Variants in CACNA1B observed in about 807,000 individuals in gnomAD.
CACNA1B encodes calcium voltage-gated channel subunit alpha1 B.
In CACNA1B, 70 loss-of-function variants were observed where a neutral mutation model predicts 247.2. The observed-to-expected ratio is 0.28, with a 90% CI of 0.23 to 0.35. The LOEUF is 0.35. CACNA1B is among the 10% of genes least tolerant of loss of function. The pLI, the probability that CACNA1B is intolerant of heterozygous loss-of-function variation, is 1.00. For missense variants in CACNA1B, 2,367 were observed against 3,197.4 expected, an observed-to-expected ratio of 0.74 and a Z score of 6.26; for synonymous variants, 1,231 against 1,294.4, an observed-to-expected ratio of 0.95 and a Z score of 1.05.
rs763357654 is a variant in CACNA1B, at chr9:138,121,947, G to A, written c.6968G>A (p.Gly2323Asp). The A allele has an allele frequency of 3.1e-6, 5 of 1,605,928 alleles. No homozygotes were observed. The Admixed American group carries it at 6.7e-5, about 21-fold the overall frequency. ...GYHCTLGLSS[G>D]GRARHSYHHP... ...CACTGCACCCTGGGACTCAGCTCGG[G>A]TGGCCGAGCACGGCACAGCTACCAC... Residue 2323 changes from glycine (G) to aspartate (D), a missense_variant, in exon 47 of 47, where the codon GGT (glycine) becomes GAT (aspartate). Gly to Asp is a moderately conservative substitution (Grantham distance 94, BLOSUM62 -1). Around this residue, in one of 12 missense-constraint regions of CACNA1B, gnomAD observed 773 missense variants for 779.4 expected, o/e 0.99. Transcript: ENST00000371372. The surrounding 1 kb of genome is among the most constrained non-coding windows in gnomAD (Gnocchi z 6.8).
intron 6 of CACNA1B, among the ~76,000 whole-genome samples, chr9:137,949,670 C>T (rs1957856414): frequency 6.6e-6 from 1 of 152,010 alleles, no homozygotes; most frequent in South Asian, 2.1e-4. Flanking sequence ...GATGCAGTTC[C>T]CGATGGCGGT....
At chr9:137,962,025 G>T (rs1958026682) in intron 10 of CACNA1B, among the ~76,000 whole-genome samples, 1 of 152,000 alleles carries the variant, frequency 6.6e-6, no homozygotes. Context: ...TTTTTTGATT[G>T]GTAGGCTATT....
chr9:137,968,940 C>A (rs1252092842), intron 10 of CACNA1B, among the ~76,000 whole-genome samples: 1 of 152,198 alleles, frequency 6.6e-6, no homozygotes, highest in Non-Finnish European at 1.5e-5. Flanking sequence ...ATTAAGTGAA[C>A]CCTGGAAAAT....
rs753490230 is a variant in CACNA1B at position 137,932,806 on chromosome 9, G to A, written c.966+15375G>A. Among the ~76,000 whole-genome samples the A allele has an allele frequency of 2.6e-5, 4 of 152,334 alleles. No individual in the cohort carries two copies. In the South Asian group the frequency reaches 6.2e-4, roughly 24 times the overall value. On this transcript the variant is annotated intron_variant, in intron 6 of 46. Coordinates refer to ENST00000371372, the MANE Select transcript of CACNA1B (RefSeq NM_000718.4). Reference sequence around the variant, plus strand: ...ACCAGGGATGGTTTCCATGAAAACCGTACAGGTTATCTAAATGATGCGGTT... The same window carrying A: ...ACCAGGGATGGTTTCCATGAAAACCATACAGGTTATCTAAATGATGCGGTT...
At chr9:137,967,683 C>T (rs1053510002) in intron 10 of CACNA1B, among the ~76,000 whole-genome samples, 6 of 151,030 alleles carry the variant, frequency 4.0e-5, no homozygotes, top group African/African-American at 2.5e-5. Context: ...GCTGCTGTGC[C>T]CACTGCAAGT....
In CACNA1B at chr9:138,057,758, A is replaced by C; in HGVS notation, c.3995A>C (p.Glu1332Ala). The change falls in exon 27 of 47, where the codon GAG becomes GCG. Residue 1332 changes from glutamate (E) to alanine (A), a missense_variant. Glu to Ala is a moderately radical substitution (Grantham distance 107). This residue lies in a region of CACNA1B where 436 missense variants were observed against 679.5 expected (regional missense o/e 0.64). Transcript: ENST00000371372. The surrounding 1 kb of genome is among the most constrained non-coding windows in gnomAD (Gnocchi z 4.0). ...CRGQYLDYEKEEVEAQPRQWK... is the reference protein window; with the variant it reads ...CRGQYLDYEKAEVEAQPRQWK... Reference sequence around the variant, plus strand: ...GGTCAGTATTTGGATTATGAGAAGGAGGAAGTGGAAGCTCAGCCCAGGCAG... The same window carrying C: ...GGTCAGTATTTGGATTATGAGAAGGCGGAAGTGGAAGCTCAGCCCAGGCAG... The C allele has an allele frequency of 6.2e-7, 1 of 1,612,684 alleles. No homozygotes were observed. Among genetic ancestry groups the C allele is most frequent in the Non-Finnish European group, 8.5e-7 (1 of 1,179,152 alleles).
rs1958725499 is a variant in CACNA1B, at chr9:138,011,642, C to T, written c.2161-1487C>T. On this transcript the variant is annotated intron_variant, in intron 17 of 46. Coordinates refer to ENST00000371372, the MANE Select transcript of CACNA1B (RefSeq NM_000718.4). The surrounding 1 kb of genome is among the most constrained non-coding windows in gnomAD (Gnocchi z 4.2). ...CTGGAGTGACTGGCAAAGTCCCTGC[C>T]CCAGAGGGTGGGAAGCTGGATGCAG... Among the ~76,000 whole-genome samples, 1 of 152,152 alleles carries T rather than the reference C, an allele frequency of 6.6e-6. No individual in the cohort carries two copies. Among genetic ancestry groups the T allele is most frequent in the Non-Finnish European group, 1.5e-5 (1 of 68,040 alleles).
At chr9:137,930,492 C>T (rs187280210) in intron 6 of CACNA1B, among the ~76,000 whole-genome samples, 7 of 152,254 alleles carry the variant, frequency 4.6e-5, no homozygotes, top group African/African-American at 7.2e-5. Context: ...AATTTGTTGA[C>T]GTTTGTTACA....
intron 36 of CACNA1B, among the ~76,000 whole-genome samples, chr9:138,088,959 C>CAAAAAAAAAAA (rs56112600): frequency 1.3e-4 from 8 of 61,424 alleles, no homozygotes; most frequent in Non-Finnish European, 2.4e-4. Flanking sequence ...AACTCCGTCT[C>CAAAAAAAAAAA]AAAAAAAAAA....
intron 36 of CACNA1B, among the ~76,000 whole-genome samples, chr9:138,093,783 G>T (rs139381869): frequency 2.0e-5 from 3 of 152,022 alleles, no homozygotes; most frequent in Non-Finnish European, 4.4e-5. Context: ...AATAAATATT[G>T]GCAAAAATGT....
intron 15 of CACNA1B, among the ~76,000 whole-genome samples, chr9:137,996,371 T>C (rs1958500811): frequency 6.6e-6 from 1 of 152,186 alleles, no homozygotes; most frequent in South Asian, 2.1e-4. Context: ...ACAACGTGGA[T>C]GGAATCGGAG....
chr9:137,946,614 A>G (rs1266976984), intron 6 of CACNA1B, among the ~76,000 whole-genome samples: 1 of 151,942 alleles, frequency 6.6e-6, no homozygotes, highest in Non-Finnish European at 1.5e-5. Flanking sequence ...AAAAAAAAAA[A>G]AGGGAAAGGA....
Position 137,878,206 on chromosome 9 carries a change from C to G in CACNA1B, c.273C>G (p.Ile91Met). 7.7e-7 allele frequency: 1 copy of G among 1,306,000 alleles called. No homozygotes were observed. The highest frequency in any genetic ancestry group is 9.8e-7 in the Non-Finnish European group (1 of 1,018,402). 80.9% of individuals were successfully genotyped at this position (1,306,000 alleles called of 1,614,324 possible). Residue 91 changes from isoleucine to methionine, a missense_variant, in exon 1 of 47, where the codon ATC becomes ATG. Physicochemically the swap from Ile to Met is conservative, Grantham distance 10 (BLOSUM62 1). Around this residue, in one of 12 missense-constraint regions of CACNA1B, gnomAD observed 130 missense variants for 338.7 expected, o/e 0.38. Coordinates refer to ENST00000371372, the MANE Select transcript of CACNA1B (RefSeq NM_000718.4). The stretch of plus-strand genomic sequence containing the variant: ...TCGTCCGCAAATACGCGAAGCGCAT[C>G]ACCGAGTGGCCATATCCTGCCGGGC... ...DNVVRKYAKR[I>M]TEWPPFEYMI...
chr9:138,034,875 A>G (rs749007624), intron 20 of CACNA1B, among the ~76,000 whole-genome samples: 8 of 151,744 alleles, frequency 5.3e-5, no homozygotes, highest in Non-Finnish European at 1.2e-4. Context: ...TTACATAACT[A>G]CTCTCGCACT....
rs1358609485 is a variant in CACNA1B, at chr9:137,881,655, G to A, written c.391-1089G>A. On this transcript the variant is annotated intron_variant, in intron 2 of 46. Coordinates refer to ENST00000371372, the MANE Select transcript of CACNA1B (RefSeq NM_000718.4). This position sits in a 1 kb window ranked among gnomAD's most constrained non-coding sequence, Gnocchi z 4.3. ...TGCAGCTCCCTCAGCCCAGCTTCCC[G>A]GGCTTGCCTTGCACAGGGCCTTTCC... Among the ~76,000 whole-genome samples, 1 of 152,178 alleles carries A rather than the reference G, an allele frequency of 6.6e-6. No individual in the cohort carries two copies. The highest frequency in any genetic ancestry group is 2.4e-5 in the African/African-American group (1 of 41,450).
Position 138,059,845 on chromosome 9 carries a change from G to T in CACNA1B, c.4668+108G>T. On this transcript the variant is annotated intron_variant, in intron 31 of 46. Transcript: ENST00000371372. This position sits in a 1 kb window ranked among gnomAD's most constrained non-coding sequence, Gnocchi z 4.2. ...CTGTGTTAGCCTCTTCCTGGGTTCC[G>T]CAGAACCCCCTGGACATGTGGAGGC... The T allele has an allele frequency of 1.4e-6, 1 of 716,710 alleles. No individual in the cohort carries two copies. The allele number at this position is 716,710 out of a possible 1,614,324, so 44.4% of individuals were successfully genotyped here.
In CACNA1B at chr9:138,123,325, CAG is replaced by C. The variant is rs1254513142; in HGVS notation, c.*1327_*1328del. On this transcript the variant is annotated 3_prime_UTR_variant, in exon 47 of 47. Transcript: ENST00000371372. ...CCCAGCACTGTCCTGGCGCCAGACA[CAG>C]GGAGCAGGCAGTCAAGTGAGGTCTG... 8.5e-5 allele frequency: 13 copies of C among 152,334 alleles called. No individual in the cohort carries two copies. The highest frequency in any genetic ancestry group is 3.1e-4 in the African/African-American group (13 of 41,464). The allele number at this position is 152,334 out of a possible 1,614,324, so 9.4% of individuals were successfully genotyped here. A position where few individuals can be genotyped will look rare whatever the true frequency, so the allele number is the denominator to read the frequency against.
chr9:138,094,067 A>G (rs1454548840), intron 36 of CACNA1B, among the ~76,000 whole-genome samples: 1 of 152,252 alleles, frequency 6.6e-6, no homozygotes, highest in African/African-American at 2.4e-5. Flanking sequence ...TGAACATTCA[A>G]TGGACTATAA....
At chr9:138,004,591 T>C (rs2133409542) in intron 15 of CACNA1B, among the ~76,000 whole-genome samples, 1 of 151,996 alleles carries the variant, frequency 6.6e-6, no homozygotes, top group Admixed American at 6.6e-5. Flanking sequence ...CAAAGCTGTA[T>C]TGTTGAATGA....
Sources: gnomAD v4.1 joint callset for allele counts (sites outside exome capture counted in the v4.1 genomes callset) on GRCh38, gnomAD v4.1.1 for gene constraint, gnomAD v4.1.1 regional missense constraint, Gnocchi (gnomAD v3.1) non-coding constraint, MANE v1.5 for transcripts, NCBI Gene and HGNC (gene_info 2026-07-23, HGNC 2026-07-21) for gene names.